RUNDC3B: variants seen among roughly 807,000 people sequenced by gnomAD.
RUNDC3B encodes RUN domain containing 3B.
Under a neutral mutation model 58.4 loss-of-function variants are expected in RUNDC3B, and 33 were observed. The ratio of observed to expected loss-of-function variants is 0.56; its 90% CI spans 0.43 to 0.75. The LOEUF is 0.75. RUNDC3B is among the 30% of genes least tolerant of loss of function. The probability of loss-of-function intolerance (pLI) is 0.00; values close to 1 mark genes in which losing one functional copy is unlikely to be tolerated. For missense variants in RUNDC3B, 501 were observed against 535.7 expected (o/e 0.94, Z 0.64); for synonymous variants, 193 against 195.2 (o/e 0.99, Z 0.10).
In RUNDC3B at chr7:87,807,562, G is replaced by C. The variant is rs374039278; in HGVS notation, c.1103+43G>C. 2.1e-6 allele frequency: 3 copies of C among 1,428,576 alleles called. No individual in the cohort carries two copies. In the Admixed American group the frequency reaches 5.1e-5, roughly 24 times the overall value. The allele number at this position is 1,428,576 out of a possible 1,614,324, so 88.5% of individuals were successfully genotyped here. ...TTTTCCAACTAATTAATAGTTAGTT[G>C]TACCAAAACATATGGCTATCTACTT... On this transcript the variant is annotated intron_variant, in intron 9 of 10. Coordinates refer to ENST00000394654, the MANE Select transcript of RUNDC3B (RefSeq NM_001134405.2).
At chr7:87,828,949 CATTCCCT>C (rs1468357286) in intron 10 of RUNDC3B, among the ~76,000 whole-genome samples, 6 of 152,112 alleles carry the variant, frequency 3.9e-5, no homozygotes, top group Admixed American at 3.9e-4. Flanking sequence ...AACCAAAATG[CATTCCCT>C]ATTCTCAGTC....
rs370494305 is a variant in RUNDC3B at position 87,681,484 on chromosome 7, G to A, written c.239-18937G>A. Among the ~76,000 whole-genome samples, 17 of 150,768 alleles carry A rather than the reference G, an allele frequency of 1.1e-4. 1 individual carries two copies. The highest frequency in any genetic ancestry group is 5.9e-4 in the East Asian group (3 of 5,074). ...AAAAAATTTTTGGTTTCCCCAGTGCGTATTAAAAGTTGTATTTACACTACA... is the reference window on the plus strand; with the variant it reads ...AAAAAATTTTTGGTTTCCCCAGTGCATATTAAAAGTTGTATTTACACTACA... On this transcript the variant is annotated intron_variant, in intron 2 of 10. Coordinates refer to ENST00000394654, the MANE Select transcript of RUNDC3B (RefSeq NM_001134405.2).
At chr7:87,773,178 C>A (rs1834377298) in intron 7 of RUNDC3B, among the ~76,000 whole-genome samples, 1 of 151,902 alleles carries the variant, frequency 6.6e-6, no homozygotes, top group Admixed American at 6.6e-5. Context: ...AAAAAATTAG[C>A]CGGGCATGGT....
chr7:87,779,936 A>G (rs1834836546), intron 8 of RUNDC3B, among the ~76,000 whole-genome samples: 1 of 152,186 alleles, frequency 6.6e-6, no homozygotes, highest in Non-Finnish European at 1.5e-5. Context: ...CTCTAGCTGC[A>G]TCCATGTTGC....
At chr7:87,694,233 A>G (rs181081160) in intron 2 of RUNDC3B, among the ~76,000 whole-genome samples, 69 of 152,276 alleles carry the variant, frequency 4.5e-4, no homozygotes, top group African/African-American at 1.6e-3. Context: ...CGTGTGAAGT[A>G]GCAGCTCAGG....
intron 10 of RUNDC3B, 77 bp downstream of exon 10, chr7:87,816,339 G>T: frequency 9.4e-7 from 1 of 1,058,844 alleles, no homozygotes; most frequent in Non-Finnish European, 1.4e-6. Context: ...GATTGCCAGA[G>T]AATAATAGTG....
chr7:87,675,653 CAAAAAAAA>C (rs200136132), intron 2 of RUNDC3B, among the ~76,000 whole-genome samples: 14,547 of 65,906 alleles, frequency 0.22, 1,001 homozygotes, highest in Admixed American at 0.35. Context: ...TATTCACATG[CAAAAAAAA>C]AAAAAAAAAA....
At chr7:87,670,775 TGATCC>T (rs1825748585) in intron 2 of RUNDC3B, among the ~76,000 whole-genome samples, 1 of 152,178 alleles carries the variant, frequency 6.6e-6, no homozygotes, top group Admixed American at 6.5e-5. Flanking sequence ...CCTTGGGGTG[TGATCC>T]AGCAGGTGGC....
intron 8 of RUNDC3B, among the ~76,000 whole-genome samples, chr7:87,797,258 G>T (rs933472649): frequency 1.4e-4 from 22 of 152,172 alleles, no homozygotes; most frequent in African/African-American, 5.3e-4. Context: ...TCTCTTTAAT[G>T]TGGGTACTAG....
chr7:87,676,431 T>G (rs1826362805), intron 2 of RUNDC3B, among the ~76,000 whole-genome samples: 1 of 152,114 alleles, frequency 6.6e-6, no homozygotes. Context: ...CCAGGCGCAG[T>G]GGCTCACACC....
rs536620898 is a variant in RUNDC3B at position 87,831,376 on chromosome 7, G to C, written c.*1346G>C. 1 of 151,678 alleles carries C rather than the reference G, an allele frequency of 6.6e-6. No homozygotes were observed. Among genetic ancestry groups the C allele is most frequent in the Non-Finnish European group, 1.5e-5 (1 of 67,834 alleles). The allele number at this position is 151,678 out of a possible 1,614,324, so 9.4% of individuals were successfully genotyped here. ...AAATGTAGGAGTGTGGTGGTTTTCT[G>C]CAATATTTAGAGCTTAGTCTCATAA... On this transcript the variant is annotated 3_prime_UTR_variant, in exon 11 of 11. Transcript: ENST00000394654.
At chr7:87,794,426 TC>T (rs756585828) in intron 8 of RUNDC3B, among the ~76,000 whole-genome samples, 4 of 151,978 alleles carry the variant, frequency 2.6e-5, no homozygotes, top group Non-Finnish European at 4.4e-5. Flanking sequence ...AGAGCCAGAC[TC>T]TGTCTAAAAA....
At chr7:87,641,791 T>G (rs1304882633) in intron 1 of RUNDC3B, among the ~76,000 whole-genome samples, 2 of 152,230 alleles carry the variant, frequency 1.3e-5, no homozygotes, top group African/African-American at 4.8e-5. Flanking sequence ...TATTGTCTGT[T>G]ATCTCCAGTG....
At chr7:87,691,265 G>T (rs1489475116) in intron 2 of RUNDC3B, among the ~76,000 whole-genome samples, 1 of 151,938 alleles carries the variant, frequency 6.6e-6, no homozygotes, top group East Asian at 1.9e-4. Flanking sequence ...ATACTTCTTG[G>T]GTCAGGAAAT....
At chr7:87,633,062 A>G (rs1457864680) in intron 1 of RUNDC3B, among the ~76,000 whole-genome samples, 5 of 152,186 alleles carry the variant, frequency 3.3e-5, no homozygotes, top group Non-Finnish European at 7.4e-5. Flanking sequence ...ATAGGTCATG[A>G]TATTATTTCA....
At chr7:87,647,359 TG>T (rs1209648925) in intron 1 of RUNDC3B, among the ~76,000 whole-genome samples, 1 of 152,196 alleles carries the variant, frequency 6.6e-6, no homozygotes, top group Non-Finnish European at 1.5e-5. Context: ...TTCTAAGAAG[TG>T]TATGCTGGAG....
At chr7:87,710,344 T>C (rs546845308) in intron 3 of RUNDC3B, among the ~76,000 whole-genome samples, 3 of 152,110 alleles carry the variant, frequency 2.0e-5, no homozygotes, top group African/African-American at 7.2e-5. Context: ...CTTCAGAGGA[T>C]AGAAAGTTAG....
intron 4 of RUNDC3B, chr7:87,713,304 A>T (rs1377882204): frequency 6.6e-6 from 1 of 152,176 alleles, no homozygotes; most frequent in Non-Finnish European, 1.5e-5. Context: ...ATAGCCTTTA[A>T]AATGGTAATA....
rs568169876 is a variant in RUNDC3B at position 87,786,003 on chromosome 7, T to G, written c.956+8048T>G. On this transcript the variant is annotated intron_variant, in intron 8 of 10. Transcript: ENST00000394654. ...CTGGTCCTTGTGCTAAGAGATTCTA[T>G]GCAGGCTTTCCAACTTCCTTTTCAA... Among the ~76,000 whole-genome samples, 22 of 152,336 alleles carry G rather than the reference T, an allele frequency of 1.4e-4. No individual in the cohort carries two copies. The South Asian group carries it at 2.9e-3, about 20-fold the overall frequency.
Sources: gnomAD v4.1 joint callset for allele counts (sites outside exome capture counted in the v4.1 genomes callset) on GRCh38, gnomAD v4.1.1 for gene constraint, MANE v1.5 for transcripts, NCBI Gene and HGNC (gene_info 2026-07-23, HGNC 2026-07-21) for gene names.